MAP3K2: variants seen among roughly 807,000 people sequenced by gnomAD.
The protein encoded by MAP3K2 is MAP/ERK kinase kinase 2.
A neutral mutation model predicts 80.3 loss-of-function variants in MAP3K2; 24 were observed. The observed-to-expected ratio is 0.30, with a 90% CI of 0.22 to 0.42. MAP3K2 has a LOEUF of 0.42. Among genes scored for constraint, MAP3K2 ranks in the 10% least tolerant of loss-of-function variants. MAP3K2 has a pLI of 1.00. For synonymous variants in MAP3K2, 244 were observed against 253.7 expected, an observed-to-expected ratio of 0.96 and a Z score of 0.36; for missense variants, 608 against 750.1, an observed-to-expected ratio of 0.81 and a Z score of 2.21.
chr2:127,367,700 C>T (rs1190813196), intron 1 of MAP3K2, among the ~76,000 whole-genome samples: 2 of 151,632 alleles, frequency 1.3e-5, no homozygotes, highest in African/African-American at 2.4e-5. Flanking sequence ...GGCTGAGGCA[C>T]GAGAATGGCT....
In MAP3K2 at chr2:127,334,192, T is replaced by TA. The variant is rs201767060; in HGVS notation, c.264+1677dup. On this transcript the variant is annotated intron_variant, in intron 5 of 16. Transcript: ENST00000682094. ...TACATAGCAAACTGGGAGAAGTCACTAAAAAAAAAACCAGCAATTCTTAGG... is the reference window on the plus strand; with the variant it reads ...TACATAGCAAACTGGGAGAAGTCACTAAAAAAAAAAACCAGCAATTCTTAGG... Among the ~76,000 whole-genome samples, 192 of 145,250 alleles carry TA rather than the reference T, an allele frequency of 1.3e-3. 1 individual carries two copies. The East Asian group carries it at 0.024, about 18-fold the overall frequency.
chr2:127,316,365 C>A (rs2104813249), intron 14 of MAP3K2, among the ~76,000 whole-genome samples: 1 of 152,240 alleles, frequency 6.6e-6, no homozygotes, highest in South Asian at 2.1e-4. Context: ...GAGCGAAACT[C>A]CATCTCAAAA....
chr2:127,346,720 G>A (rs1686601526), intron 1 of MAP3K2, among the ~76,000 whole-genome samples: 1 of 148,250 alleles, frequency 6.7e-6, no homozygotes, highest in Non-Finnish European at 1.5e-5. Flanking sequence ...AGGCACAGTG[G>A]CTCATGCCTG....
rs1183915977 is a variant in MAP3K2 at position 127,305,510 on chromosome 2, C to T, written c.*2069G>A. On this transcript the variant is annotated 3_prime_UTR_variant, in exon 17 of 17. Transcript: ENST00000682094. ...TTCCTACAGGGAATGCTAGGTAGGA[C>T]CTTGGCACAGTAAACCAAGATCTAC... 1 of 151,884 alleles carries T rather than the reference C, an allele frequency of 6.6e-6. No homozygotes were observed. The highest frequency in any genetic ancestry group is 2.4e-5 in the African/African-American group (1 of 41,318). 9.4% of individuals were successfully genotyped at this position (151,884 alleles called of 1,614,324 possible).
intron 1 of MAP3K2, among the ~76,000 whole-genome samples, chr2:127,366,317 G>A (rs1686970080): frequency 6.6e-6 from 1 of 151,696 alleles, no homozygotes; most frequent in East Asian, 1.9e-4. Flanking sequence ...GGAGGCTGAG[G>A]TGGGAGGATC....
At chr2:127,376,386 A>C (rs1000678839) in intron 1 of MAP3K2, among the ~76,000 whole-genome samples, 3 of 152,132 alleles carry the variant, frequency 2.0e-5, no homozygotes, top group Non-Finnish European at 4.4e-5. Context: ...TTTGTCATTA[A>C]ATCTATACTG....
intron 1 of MAP3K2, among the ~76,000 whole-genome samples, chr2:127,352,981 GGA>G (rs1239699671): frequency 2.0e-5 from 3 of 152,122 alleles, no homozygotes; most frequent in African/African-American, 7.2e-5. Flanking sequence ...GATTGCAGAT[GGA>G]GTCTCGTTCA....
intron 2 of MAP3K2, 141 bp downstream of exon 2, chr2:127,342,985 A>G (rs1686527058): frequency 3.3e-6 from 2 of 605,734 alleles, no homozygotes; most frequent in Non-Finnish European, 5.7e-6. Context: ...TCTATTAAGT[A>G]AATATAAAAC....
intron 5 of MAP3K2, among the ~76,000 whole-genome samples, chr2:127,335,207 TAATA>T (rs760268068): frequency 6.6e-5 from 10 of 152,174 alleles, no homozygotes; most frequent in East Asian, 1.9e-4. Flanking sequence ...CCTGAAAAAT[TAATA>T]AATACTTTCT....
chr2:127,350,851 A>G (rs1246188658), intron 1 of MAP3K2, among the ~76,000 whole-genome samples: 1 of 152,106 alleles, frequency 6.6e-6, no homozygotes, highest in Non-Finnish European at 1.5e-5. Context: ...GTAACAGGCA[A>G]ATTAAAATCA....
chr2:127,366,101 G>GA (rs1480412306), intron 1 of MAP3K2, among the ~76,000 whole-genome samples: 1 of 151,980 alleles, frequency 6.6e-6, no homozygotes, highest in Non-Finnish European at 1.5e-5. Flanking sequence ...TGCTTCCAAG[G>GA]AACAAGTAAC....
At chr2:127,357,738 A>G (rs1053660026) in intron 1 of MAP3K2, among the ~76,000 whole-genome samples, 3 of 152,188 alleles carry the variant, frequency 2.0e-5, no homozygotes, top group Non-Finnish European at 4.4e-5. Flanking sequence ...TCAATGGGGA[A>G]AGGATAATCT....
At chr2:127,353,620 G>A (rs933137870) in intron 1 of MAP3K2, among the ~76,000 whole-genome samples, 1 of 151,226 alleles carries the variant, frequency 6.6e-6, no homozygotes, top group African/African-American at 2.4e-5. Context: ...AGGGAGGTGG[G>A]GGGGGTCAAA....
rs908608059 is a variant in MAP3K2, at chr2:127,387,796, C to T, written c.-410G>A. On this transcript the variant is annotated 5_prime_UTR_variant, in exon 1 of 17. Transcript: ENST00000682094. ...GCCGCGGGCCCGCGTCGCTAGAGAC[C>T]GGAGAAGAGGCGGGAGTGGCGACTC... 9 of 985,004 alleles carry T rather than the reference C, an allele frequency of 9.1e-6. No individual in the cohort carries two copies. The African/African-American group carries it at 1.4e-4, about 15-fold the overall frequency. 61.0% of individuals were successfully genotyped at this position (985,004 alleles called of 1,614,324 possible).
intron 15 of MAP3K2, among the ~76,000 whole-genome samples, 183 bp downstream of exon 15, chr2:127,314,571 A>T (rs186275074): frequency 3.9e-5 from 6 of 152,338 alleles, no homozygotes; most frequent in Admixed American, 3.3e-4. Flanking sequence ...AGAGCTACCC[A>T]TTTGTGGAGA....
chr2:127,317,541 A>G (rs1392716970), intron 14 of MAP3K2, 88 bp downstream of exon 14: 2 of 1,187,030 alleles, frequency 1.7e-6, no homozygotes, highest in South Asian at 1.7e-5. Flanking sequence ...TAGGGTTAAC[A>G]TTTTATAATC....
chr2:127,345,561 ACAG>A (rs747792752), intron 1 of MAP3K2, among the ~76,000 whole-genome samples: 4 of 152,246 alleles, frequency 2.6e-5, no homozygotes, highest in Non-Finnish European at 5.9e-5. Context: ...CAACCTCAAA[ACAG>A]CAGAATATAC....
At chr2:127,363,783 A>T (rs987378394) in intron 1 of MAP3K2, among the ~76,000 whole-genome samples, 2 of 152,312 alleles carry the variant, frequency 1.3e-5, no homozygotes, top group Non-Finnish European at 2.9e-5. Flanking sequence ...CAGCCTCCTG[A>T]GTAGCTAAGA....
intron 2 of MAP3K2, among the ~76,000 whole-genome samples, chr2:127,342,555 G>T (rs1395507245): frequency 6.6e-6 from 1 of 152,064 alleles, no homozygotes. Context: ...CATTTTTCTT[G>T]ATTTAGGATA....
Sources: allele counts gnomAD v4.1 joint callset (sites outside exome capture counted in the v4.1 genomes callset), GRCh38; gene constraint gnomAD v4.1.1; transcripts MANE v1.5; gene names NCBI Gene and HGNC (gene_info 2026-07-23, HGNC 2026-07-21).